The following RBFOX3 variants were observed in gnomAD, a reference collection of about 807,000 sequenced individuals.
RBFOX3 encodes the protein RNA binding protein fox-1 homolog 3.
RBFOX3 carries 17 observed loss-of-function variants against 48.7 expected under a neutral mutation model. The observed-to-expected ratio is 0.35, with a 90% CI of 0.24 to 0.52. The LOEUF is 0.52. Ranked by LOEUF, RBFOX3 falls within the 20% of genes least tolerant of loss-of-function variation. The probability of loss-of-function intolerance (pLI) is 0.94; values close to 1 mark genes in which losing one functional copy is unlikely to be tolerated. For missense variants in RBFOX3, 382 were observed against 497.5 expected (o/e 0.77, Z 2.21); for synonymous variants, 212 against 209.5 (o/e 1.01, Z -0.10).
rs189920085 is a variant in RBFOX3, at chr17:79,419,620, G to A, written c.-175+62834C>T. On this transcript the variant is annotated intron_variant, in intron 2 of 14. Transcript: ENST00000693108. ...GAAGCCCCTTCATCTCCAGACCTCA[G>A]CACGTTCACCTCTAAACGGGAGAAG... 2.0e-3 allele frequency among the ~76,000 whole-genome samples: 308 copies of A among 152,312 alleles called. 1 individual carries two copies. Among genetic ancestry groups the A allele is most frequent in the African/African-American group, 7.0e-3 (292 of 41,564 alleles).
chr17:79,616,582 A>ACAC, the RBFOX3 span, among the ~76,000 whole-genome samples: 1 of 145,652 alleles, frequency 6.9e-6, no homozygotes, highest in Admixed American at 6.9e-5. Context: ...TCTCTATACA[A>ACAC]ACACACACAC....
At chr17:79,644,534 G>A in the RBFOX3 span, among the ~76,000 whole-genome samples, 688 of 152,284 alleles carry the variant, frequency 4.5e-3, 3 homozygotes, top group African/African-American at 0.016. Context: ...GAACTAAGCA[G>A]TGTATTTATC....
intron 1 of RBFOX3, among the ~76,000 whole-genome samples, chr17:79,503,474 T>C (rs1476755486): frequency 1.3e-5 from 2 of 152,232 alleles, no homozygotes; most frequent in African/African-American, 4.8e-5. Context: ...ACTATTATCA[T>C]TTTGACATGT....
chr17:79,462,432 C>T (rs1467093900), intron 2 of RBFOX3, among the ~76,000 whole-genome samples: 1 of 152,186 alleles, frequency 6.6e-6, no homozygotes, highest in African/African-American at 2.4e-5. Flanking sequence ...AAGGCATAGA[C>T]GGTGTCTTAC....
At chr17:79,634,166 C>G in the RBFOX3 span, among the ~76,000 whole-genome samples, 5 of 152,214 alleles carry the variant, frequency 3.3e-5, no homozygotes, top group African/African-American at 1.2e-4. Context: ...TCCCATGCTT[C>G]CCAGACGCCA....
chr17:79,255,214 C>CGTGTGTGTGTGT (rs2064581405), intron 3 of RBFOX3, among the ~76,000 whole-genome samples: 1 of 127,194 alleles, frequency 7.9e-6, no homozygotes, highest in Non-Finnish European at 1.7e-5. Context: ...CCTGTGGTCA[C>CGTGTGTGTGTGT]ATGTGTGCGT....
intron 2 of RBFOX3, among the ~76,000 whole-genome samples, chr17:79,316,927 A>T (rs914858858): frequency 1.3e-5 from 2 of 152,232 alleles, no homozygotes; most frequent in South Asian, 2.1e-4. Context: ...CCCAGGCTAA[A>T]CACACACAGG....
chr17:79,647,724 G>A, the RBFOX3 span, among the ~76,000 whole-genome samples: 1 of 152,266 alleles, frequency 6.6e-6, no homozygotes, highest in Admixed American at 6.5e-5. Context: ...CATGACCAGG[G>A]CCTTGTGGCT....
rs935438167 is a variant in RBFOX3 at position 79,118,321 on chromosome 17, C to T, written c.-33-2573G>A. On this transcript the variant is annotated intron_variant, in intron 4 of 14. Transcript: ENST00000693108. ...GGAGGGAAGCACACACGTGTGCATG[C>T]GTACACACTCGTGGGAGGTTCCAGG... Among the ~76,000 whole-genome samples, 8 of 152,168 alleles carry T rather than the reference C, an allele frequency of 5.3e-5. No individual in the cohort carries two copies. In the East Asian group the frequency reaches 1.4e-3, roughly 26 times the overall value.
At chr17:79,407,821 CCT>C (rs1396587466) in intron 2 of RBFOX3, among the ~76,000 whole-genome samples, 1 of 152,190 alleles carries the variant, frequency 6.6e-6, no homozygotes, top group Non-Finnish European at 1.5e-5. Flanking sequence ...GTGAAAAACC[CCT>C]GTTCTCAGAG....
At position 79,439,335 on chromosome 17, in the gene RBFOX3, G is replaced by A. The variant is rs148744889; in HGVS notation, c.-175+43119C>T. 8.5e-4 allele frequency among the ~76,000 whole-genome samples: 130 copies of A among 152,320 alleles called. No individual in the cohort carries two copies. The East Asian group carries it at 0.014, about 17-fold the overall frequency. ...AGTTTAAGTAAGATAGAGCGAAATC[G>A]CTCTGTTGTGTCATTGATTTTTAAT... On this transcript the variant is annotated intron_variant, in intron 2 of 14. Transcript: ENST00000693108.
intron 2 of RBFOX3, among the ~76,000 whole-genome samples, chr17:79,372,823 C>T (rs1461165465): frequency 6.6e-6 from 1 of 152,200 alleles, no homozygotes; most frequent in South Asian, 2.1e-4. Context: ...TCCAACTGGC[C>T]GCAGGTGTGC....
chr17:79,327,748 T>C (rs2079553572), intron 2 of RBFOX3, among the ~76,000 whole-genome samples: 1 of 152,182 alleles, frequency 6.6e-6, no homozygotes, highest in Non-Finnish European at 1.5e-5. Flanking sequence ...CAGGCTGGAG[T>C]GCAGTGGCAC....
intron 14 of RBFOX3, chr17:79,092,370 C>G: frequency 5.1e-6 from 5 of 985,634 alleles, no homozygotes; most frequent in Non-Finnish European, 4.8e-6. Flanking sequence ...TGCAGACATA[C>G]AGGAAAAACC....
rs970430978 is a variant in RBFOX3 at position 79,478,390 on chromosome 17, G to A, written c.-175+4064C>T. ...CACACTCAGCCCCATGGCGTGTGCG[G>A]CAGCTCCCGCTCCCATCTCATCACG... is the stretch of plus-strand genomic sequence containing the variant. On this transcript the variant is annotated intron_variant, in intron 2 of 14. Coordinates refer to ENST00000693108, the MANE Select transcript of RBFOX3 (RefSeq NM_001350451.2). Among the ~76,000 whole-genome samples the A allele has an allele frequency of 2.8e-3, 429 of 152,194 alleles. 2 individuals are homozygous for A. The highest frequency in any genetic ancestry group is 8.3e-3 in the African/African-American group (344 of 41,502).
rs142305454 is a variant in RBFOX3, at chr17:79,439,670, A to T, written c.-175+42784T>A. Among the ~76,000 whole-genome samples, 344 of 152,362 alleles carry T rather than the reference A, an allele frequency of 2.3e-3. 1 individual carries two copies. The highest frequency in any genetic ancestry group is 7.9e-3 in the African/African-American group (327 of 41,592). ...CATGTATGTCCATGCATGTGCAAGC[A>T]TGATCGCATGTGCACACGTGCCTCT... On this transcript the variant is annotated intron_variant, in intron 2 of 14. Transcript: ENST00000693108.
At chr17:79,642,377 G>A in the RBFOX3 span, among the ~76,000 whole-genome samples, 4 of 152,110 alleles carry the variant, frequency 2.6e-5, no homozygotes, top group African/African-American at 7.2e-5. Context: ...AAAAAATACT[G>A]CAACTATGTG....
rs566865235 is a variant in RBFOX3 at position 79,270,615 on chromosome 17, C to T, written c.-73-34810G>A. 2.1e-3 allele frequency among the ~76,000 whole-genome samples: 325 copies of T among 152,378 alleles called. 1 individual carries two copies. Among genetic ancestry groups the T allele is most frequent in the African/African-American group, 7.3e-3 (304 of 41,582 alleles). On this transcript the variant is annotated intron_variant, in intron 3 of 14. Transcript: ENST00000693108. Reference sequence around the variant, plus strand: ...AATGCAATGGTGCCAGGCCAGGACGCACCACTAAAGGCATCCAAGACTGGT... The same window carrying T: ...AATGCAATGGTGCCAGGCCAGGACGTACCACTAAAGGCATCCAAGACTGGT...
intron 2 of RBFOX3, among the ~76,000 whole-genome samples, chr17:79,462,179 G>A (rs1555749292): frequency 6.6e-6 from 1 of 152,162 alleles, no homozygotes; most frequent in African/African-American, 2.4e-5. Context: ...TGAGTACCAA[G>A]CTCCTAAGAC....
Sources: allele counts gnomAD v4.1 joint callset (sites outside exome capture counted in the v4.1 genomes callset), GRCh38; gene constraint gnomAD v4.1.1; transcripts MANE v1.5; gene names NCBI Gene and HGNC (gene_info 2026-07-23, HGNC 2026-07-21).